The following ATXN2 variants were observed in gnomAD, a reference collection of about 807,000 sequenced individuals.
ATXN2 encodes the protein ataxin-2.
ATXN2 carries 37 observed loss-of-function variants against 138.6 expected under a neutral mutation model. The observed-to-expected ratio is 0.27, with a 90% confidence interval of 0.21 to 0.35. The LOEUF (loss-of-function observed/expected upper bound fraction) is 0.35, where lower values mean the gene tolerates loss of function less well. Among genes scored for constraint, ATXN2 ranks in the 10% least tolerant of loss-of-function variants. The probability of loss-of-function intolerance (pLI) is 1.00; values close to 1 mark genes in which losing one functional copy is unlikely to be tolerated. For missense variants in ATXN2, 1,216 were observed against 1,480.3 expected (o/e 0.82, Z 2.93); for synonymous variants, 549 against 543.7 (o/e 1.01, Z -0.13).
rs201221247 is a variant in ATXN2, at chr12:111,592,080, A to AG, written c.251+6703_251+6704insC. Among the ~76,000 whole-genome samples the AG allele has an allele frequency of 5.7e-3, 855 of 148,842 alleles. 12 individuals carry two copies. The highest frequency in any genetic ancestry group is 0.02 in the African/African-American group (803 of 40,218). On this transcript the variant is annotated intron_variant, in intron 1 of 24. Transcript: ENST00000673436. ...CTGGGAAAGAGCAAAACTGTCTCAA[A>AG]AAAAAAAAAAACACCTTAGCTCATG... is the stretch of plus-strand genomic sequence containing the variant.
rs1254460686 is a variant in ATXN2, at chr12:111,453,599, T to G, written c.3439+78A>C. The G allele has an allele frequency of 6.8e-7, 1 of 1,465,570 alleles. No homozygotes were observed. Among genetic ancestry groups the G allele is most frequent in the East Asian group, 2.5e-5 (1 of 40,108 alleles). 90.8% of individuals were successfully genotyped at this position (1,465,570 alleles called of 1,614,324 possible). A position where few individuals can be genotyped will look rare whatever the true frequency, so the allele number is the denominator to read the frequency against. On this transcript the variant is annotated intron_variant, in intron 24 of 24. Transcript: ENST00000673436. This position sits in a 1 kb window ranked among gnomAD's most constrained non-coding sequence, Gnocchi z 5.4. ...TTCTCAAATGCGGGGCTTGAAGCAC[T>G]GGCCCTGCCTGCCATTCCACCTGTG...
intron 19 of ATXN2, 84 bp from the exon 20 acceptor site, chr12:111,470,324 GGTTTCCA>G: frequency 1.3e-6 from 2 of 1,489,964 alleles, no homozygotes; most frequent in Non-Finnish European, 1.8e-6. Context: ...TTAACTCCAT[GGTTTCCA>G]GATTTCCAGA....
intron 1 of ATXN2, among the ~76,000 whole-genome samples, chr12:111,595,377 C>T (rs1181147330): frequency 1.3e-5 from 2 of 152,234 alleles, no homozygotes; most frequent in Non-Finnish European, 2.9e-5. Flanking sequence ...CGCAGTGGCT[C>T]ACGCCTGCAA....
intron 14 of ATXN2, among the ~76,000 whole-genome samples, chr12:111,494,809 T>A (rs1878305156): frequency 1.4e-5 from 2 of 147,524 alleles, no homozygotes; most frequent in African/African-American, 5.0e-5. Flanking sequence ...CCAGAGAAAA[T>A]CACTTTCAAA....
At chr12:111,471,792 A>T (rs1044023229) in intron 18 of ATXN2, 1 of 151,920 alleles carries the variant, frequency 6.6e-6, no homozygotes, top group Non-Finnish European at 1.5e-5. Flanking sequence ...ACTACTTATC[A>T]CTTTTATCAA....
chr12:111,589,028 A>T (rs975289705), intron 1 of ATXN2, among the ~76,000 whole-genome samples: 2 of 145,314 alleles, frequency 1.4e-5, no homozygotes, highest in Admixed American at 7.0e-5. Context: ...AAAAAAACTA[A>T]ACCAAACTGG....
intron 1 of ATXN2, among the ~76,000 whole-genome samples, chr12:111,593,386 C>A (rs1022571800): frequency 6.6e-6 from 1 of 151,912 alleles, no homozygotes; most frequent in Non-Finnish European, 1.5e-5. Context: ...TGAGCCACCG[C>A]GCCTGGCCTT....
chr12:111,551,113 A>G (rs935925502), intron 5 of ATXN2, among the ~76,000 whole-genome samples: 2 of 152,156 alleles, frequency 1.3e-5, no homozygotes, highest in African/African-American at 2.4e-5. Flanking sequence ...CCTGGCCAAC[A>G]TGGTGAAACC....
At chr12:111,541,603 A>AATT in intron 5 of ATXN2, among the ~76,000 whole-genome samples, 1 of 147,746 alleles carries the variant, frequency 6.8e-6, no homozygotes, top group East Asian at 2.0e-4. Context: ...AAAGTGCTGG[A>AATT]ATTATAGGCG....
chr12:111,458,692 G>A (rs1163144318), intron 21 of ATXN2, among the ~76,000 whole-genome samples: 3 of 152,122 alleles, frequency 2.0e-5, no homozygotes, highest in African/African-American at 7.2e-5. Flanking sequence ...TTCATATAAC[G>A]TGTTAGCAAA....
chr12:111,555,106 T>C (rs1240048568), intron 2 of ATXN2, among the ~76,000 whole-genome samples: 1 of 152,138 alleles, frequency 6.6e-6, no homozygotes, highest in Non-Finnish European at 1.5e-5. Context: ...ATTGATAACA[T>C]TCCAAAATTT....
intron 8 of ATXN2, 25 bp from the exon 9 acceptor site, chr12:111,518,452 C>A: frequency 6.4e-7 from 1 of 1,572,454 alleles, no homozygotes; most frequent in Non-Finnish European, 8.7e-7. Flanking sequence ...TCCTCTAAAT[C>A]ATTTTATTCT....
At chr12:111,476,337 C>A (rs986999367) in intron 18 of ATXN2, among the ~76,000 whole-genome samples, 6 of 152,038 alleles carry the variant, frequency 3.9e-5, no homozygotes, top group African/African-American at 1.4e-4. Context: ...CCCACCTCTG[C>A]AAATTAGGAA....
At chr12:111,487,616 T>C (rs1346497181) in intron 15 of ATXN2, among the ~76,000 whole-genome samples, 1 of 151,990 alleles carries the variant, frequency 6.6e-6, no homozygotes, top group African/African-American at 2.4e-5. Context: ...CCTACCACCA[T>C]GCCTGGCTAA....
intron 18 of ATXN2, among the ~76,000 whole-genome samples, chr12:111,473,997 C>A (rs1034536900): frequency 6.6e-6 from 1 of 152,164 alleles, no homozygotes; most frequent in African/African-American, 2.4e-5. Context: ...GTAATCCTGG[C>A]ACCTTGGGAG....
At chr12:111,465,997 C>A (rs1187887934) in intron 20 of ATXN2, among the ~76,000 whole-genome samples, 7 of 150,478 alleles carry the variant, frequency 4.7e-5, no homozygotes, top group Admixed American at 2.7e-4. Context: ...GAAACCCTGT[C>A]TCTACTAAAA....
At chr12:111,565,162 A>C (rs1882925123) in intron 1 of ATXN2, among the ~76,000 whole-genome samples, 1 of 146,498 alleles carries the variant, frequency 6.8e-6, no homozygotes, top group Non-Finnish European at 1.5e-5. Flanking sequence ...TGATCCACCT[A>C]CTGAAAAAAA....
chr12:111,482,648 C>T (rs1877327647), intron 18 of ATXN2: 1 of 151,754 alleles, frequency 6.6e-6, no homozygotes, highest in Admixed American at 6.6e-5. Context: ...TTTAAGTAAT[C>T]ATTGAAAACA....
chr12:111,480,184 T>G (rs1204988874), intron 18 of ATXN2, among the ~76,000 whole-genome samples: 11 of 146,118 alleles, frequency 7.5e-5, no homozygotes, highest in Non-Finnish European at 1.6e-4. Context: ...AAGCAAGTAG[T>G]TACATGAGCA....
Sources: allele counts gnomAD v4.1 joint callset (sites outside exome capture counted in the v4.1 genomes callset), GRCh38; gene constraint gnomAD v4.1.1; non-coding constraint Gnocchi (gnomAD v3.1); transcripts MANE v1.5; gene names NCBI Gene and HGNC (gene_info 2026-07-23, HGNC 2026-07-21).